DCC: variants seen among roughly 807,000 people sequenced by gnomAD.
DCC encodes netrin receptor DCC.
A neutral mutation model predicts 172.5 loss-of-function variants in DCC; 58 were observed. The ratio of observed to expected loss-of-function variants is 0.34; its 90% CI spans 0.27 to 0.42. The LOEUF is 0.42. DCC is among the 10% of genes least tolerant of loss of function. DCC has a pLI of 1.00. For synonymous variants in DCC, 709 were observed against 644.5 expected, an observed-to-expected ratio of 1.10 and a Z score of -1.52; for missense variants, 1,740 against 1,791.0, an observed-to-expected ratio of 0.97 and a Z score of 0.51.
In DCC at chr18:52,340,273, TC is replaced by T; in HGVS notation, c.-511del. On this transcript the variant is annotated 5_prime_UTR_variant, in exon 1 of 29. Coordinates refer to ENST00000442544, the MANE Select transcript of DCC (RefSeq NM_005215.4). ...GTCCCCCCCGCCTCTCCTCCCTGGGTCCCCTCGGCTCTCGGAAGAAAAACCA... is the reference window on the plus strand; with the variant it reads ...GTCCCCCCCGCCTCTCCTCCCTGGGTCCCTCGGCTCTCGGAAGAAAAACCA... 1 of 195,862 alleles carries T rather than the reference TC, an allele frequency of 5.1e-6. No homozygotes were observed. Among genetic ancestry groups the T allele is most frequent in the Non-Finnish European group, 1.1e-5 (1 of 93,528 alleles). 12.1% of individuals were successfully genotyped at this position (195,862 alleles called of 1,614,324 possible).
At chr18:52,821,029 C>T (rs895251269) in intron 2 of DCC, among the ~76,000 whole-genome samples, 2 of 152,164 alleles carry the variant, frequency 1.3e-5, no homozygotes, top group African/African-American at 4.8e-5. Context: ...TGAATTTGTT[C>T]TCTCATTTTA....
intron 1 of DCC, among the ~76,000 whole-genome samples, chr18:52,604,026 A>AT (rs5824950): frequency 0.46 from 68,297 of 150,088 alleles, 15,451 homozygotes; most frequent in Middle Eastern, 0.5. Flanking sequence ...GTGAAAGGTT[A>AT]TTTTTTTTTT....
In DCC at chr18:53,530,766, C is replaced by G; in HGVS notation, c.*113C>G. On this transcript the variant is annotated 3_prime_UTR_variant, in exon 29 of 29. Transcript: ENST00000442544. ...TCTAACCAGTGTACAGGTCACCCAT[C>G]AGGACCACTCAGTTAAGGAAGATCC... 1.3e-6 allele frequency: 1 copy of G among 749,566 alleles called. No homozygotes were observed. Among genetic ancestry groups the G allele is most frequent in the East Asian group, 2.5e-5 (1 of 39,648 alleles). 46.4% of individuals were successfully genotyped at this position (749,566 alleles called of 1,614,324 possible).
At chr18:52,566,098 C>T (rs976833740) in intron 1 of DCC, among the ~76,000 whole-genome samples, 12 of 152,214 alleles carry the variant, frequency 7.9e-5, no homozygotes, top group Admixed American at 2.6e-4. Context: ...ATAGGGAATC[C>T]TTTCCCCATT....
rs180746883 is a variant in DCC at position 52,920,294 on chromosome 18, A to C, written c.698-3413A>C. Among the ~76,000 whole-genome samples the C allele has an allele frequency of 2.3e-3, 348 of 152,224 alleles. 1 individual carries two copies. Among genetic ancestry groups the C allele is most frequent in the African/African-American group, 7.9e-3 (330 of 41,552 alleles). On this transcript the variant is annotated intron_variant, in intron 3 of 28. Transcript: ENST00000442544. ...AAAAACAACCCACAGATTGAAAAAA[A>C]ATTTGCAAAACACACTTGTGATCAA... is the stretch of plus-strand genomic sequence containing the variant.
chr18:52,829,518 A>G (rs2145291167), intron 2 of DCC, among the ~76,000 whole-genome samples: 1 of 152,318 alleles, frequency 6.6e-6, no homozygotes, highest in East Asian at 1.9e-4. Flanking sequence ...GATTCATACT[A>G]TTGATTCACT....
At chr18:52,679,930 A>G (rs976028292) in intron 1 of DCC, among the ~76,000 whole-genome samples, 7 of 152,072 alleles carry the variant, frequency 4.6e-5, no homozygotes, top group African/African-American at 1.4e-4. Context: ...TGTATAAACA[A>G]TGCTGTAACT....
chr18:53,381,656 G>A (rs1305364556), intron 15 of DCC, among the ~76,000 whole-genome samples: 1 of 139,806 alleles, frequency 7.2e-6, no homozygotes, highest in Non-Finnish European at 1.5e-5. Flanking sequence ...CCAGACTTCA[G>A]TATCTATTTT....
At chr18:52,436,972 T>G (rs550910912) in intron 1 of DCC, among the ~76,000 whole-genome samples, 1 of 152,256 alleles carries the variant, frequency 6.6e-6, no homozygotes, top group Admixed American at 6.5e-5. Flanking sequence ...AATTATTAAA[T>G]TTCCCATTTT....
chr18:52,629,828 T>G (rs993114216), intron 1 of DCC, among the ~76,000 whole-genome samples: 2 of 151,736 alleles, frequency 1.3e-5, no homozygotes, highest in Non-Finnish European at 2.9e-5. Context: ...CGGGTACCTG[T>G]AGTCCCAGCT....
chr18:52,886,156 C>T (rs1305482931), intron 2 of DCC, among the ~76,000 whole-genome samples: 1 of 152,030 alleles, frequency 6.6e-6, no homozygotes, highest in African/African-American at 2.4e-5. Context: ...TTTAGCCTCC[C>T]CATCTGGTAT....
At chr18:52,481,272 C>CCAGGGAAACTTACATTCCCTCTATT (rs1568190093) in intron 1 of DCC, among the ~76,000 whole-genome samples, 35 of 149,860 alleles carry the variant, frequency 2.3e-4, no homozygotes, top group Non-Finnish European at 2.4e-4. Context: ...GCCAGCCTGG[C>CCAGGGAAACTTACATTCCCTCTATT]GCATGTGGCT....
At chr18:52,782,707 C>A (rs2145189007) in intron 2 of DCC, among the ~76,000 whole-genome samples, 1 of 152,104 alleles carries the variant, frequency 6.6e-6, no homozygotes, top group African/African-American at 2.4e-5. Flanking sequence ...GGATCAATTG[C>A]TCTGCTCCTG....
intron 13 of DCC, among the ~76,000 whole-genome samples, chr18:53,312,192 G>A (rs1220858090): frequency 1.1e-5 from 1 of 93,658 alleles, no homozygotes; most frequent in Non-Finnish European, 2.0e-5. Flanking sequence ...AAGAAAATTA[G>A]CCTGGTGTGG....
chr18:52,593,726 C>T (rs1364860759), intron 1 of DCC, among the ~76,000 whole-genome samples: 1 of 152,192 alleles, frequency 6.6e-6, no homozygotes, highest in African/African-American at 2.4e-5. Context: ...GGAGAGGGTT[C>T]TCTGTGCGTT....
At chr18:52,446,125 G>T (rs1317615781) in intron 1 of DCC, among the ~76,000 whole-genome samples, 12 of 152,074 alleles carry the variant, frequency 7.9e-5, no homozygotes, top group Non-Finnish European at 1.5e-5. Flanking sequence ...AGTAGAGACG[G>T]GGTTTCACCG....
intron 19 of DCC, among the ~76,000 whole-genome samples, chr18:53,409,005 T>G (rs1909832790): frequency 6.6e-6 from 1 of 152,154 alleles, no homozygotes; most frequent in East Asian, 1.9e-4. Flanking sequence ...GGCACATGTG[T>G]TTTTACTTTA....
At chr18:53,086,008 T>TTATTATTATTATTATTATTATTA (rs1390983144) in intron 7 of DCC, among the ~76,000 whole-genome samples, 4 of 25,508 alleles carry the variant, frequency 1.6e-4, no homozygotes, top group African/African-American at 5.9e-4. Flanking sequence ...CTTCTTCTCC[T>TTATTATTATTATTATTATTATTA]TCTCCTTCTC....
chr18:53,174,451 A>G (rs1279207307), intron 8 of DCC, among the ~76,000 whole-genome samples: 1 of 150,238 alleles, frequency 6.7e-6, no homozygotes, highest in African/African-American at 2.5e-5. Context: ...AGAAAAAAAG[A>G]GAGAAGAATC....
Sources: gnomAD v4.1 joint callset for allele counts (sites outside exome capture counted in the v4.1 genomes callset) on GRCh38, gnomAD v4.1.1 for gene constraint, MANE v1.5 for transcripts, NCBI Gene and HGNC (gene_info 2026-07-23, HGNC 2026-07-21) for gene names.